Variants in SERPINA12 observed in about 807,000 individuals in gnomAD.
The protein encoded by SERPINA12 is serpin A12.
A neutral mutation model predicts 25.9 loss-of-function variants in SERPINA12; 21 were observed. That is an observed-to-expected ratio of 0.81 (90% confidence interval 0.58 to 1.17). The LOEUF (loss-of-function observed/expected upper bound fraction) is 1.17. SERPINA12 is among the 50% of genes most tolerant of loss of function. The pLI is 0.00. For synonymous variants in SERPINA12, 220 were observed against 196.0 expected (o/e 1.12, Z -1.02); for missense variants, 562 against 508.3 (o/e 1.11, Z -1.02).
chr14:94,488,472 A>G (rs1335512617), intron 4 of SERPINA12, among the ~76,000 whole-genome samples: 2 of 151,782 alleles, frequency 1.3e-5, no homozygotes, highest in African/African-American at 4.8e-5. Context: ...CCCCTCCTTC[A>G]ATGCCTTTTT....
At chr14:94,487,541 A>T in intron 4 of SERPINA12, 47 bp from the exon 5 acceptor site, 1 of 1,525,174 alleles carries the variant, frequency 6.6e-7, no homozygotes. Flanking sequence ...CTCCTTGGCG[A>T]CCACAGTGGG....
intron 1 of SERPINA12, among the ~76,000 whole-genome samples, chr14:94,516,349 A>G (rs941293038): frequency 1.3e-5 from 2 of 152,170 alleles, no homozygotes; most frequent in Non-Finnish European, 2.9e-5. Context: ...TCAAAGCTTA[A>G]AGGACAGACC....
intron 1 of SERPINA12, among the ~76,000 whole-genome samples, chr14:94,501,673 C>A (rs866418404): frequency 6.9e-5 from 9 of 130,008 alleles, no homozygotes; most frequent in South Asian, 3.1e-4. Context: ...CCCGCCCCCC[C>A]ACCCCCGCCC....
In SERPINA12 at chr14:94,496,484, TG is replaced by T; in HGVS notation, c.793del (p.Gln265ArgfsTer16). On this transcript the variant is annotated frameshift_variant, in exon 3 of 5. Transcript: ENST00000677451. LOFTEE classifies it high-confidence loss of function. Reference protein sequence around the residue: ...LSCTILEIPYQKNITAIFILP... With the variant: ...LSCTILEIPYXKNITAIFILP... ...GATGAAGATGGCTGTGATATTTTTCTGGTAGGGTATTTCCAGGATGGTGCAA... is the reference window on the plus strand; with the variant it reads ...GATGAAGATGGCTGTGATATTTTTCTGTAGGGTATTTCCAGGATGGTGCAA... 2 of 1,614,170 alleles carry T rather than the reference TG, an allele frequency of 1.2e-6. No homozygotes were observed. The highest frequency in any genetic ancestry group is 2.2e-5 in the South Asian group (2 of 91,080).
At chr14:94,506,013 C>A (rs1009218999) in intron 1 of SERPINA12, among the ~76,000 whole-genome samples, 3 of 152,288 alleles carry the variant, frequency 2.0e-5, no homozygotes, top group East Asian at 1.9e-4. Flanking sequence ...GCCCCCTTCA[C>A]GTGCCCATTA....
intron 4 of SERPINA12, among the ~76,000 whole-genome samples, chr14:94,489,118 A>G (rs888940582): frequency 6.6e-6 from 1 of 150,838 alleles, no homozygotes; most frequent in Non-Finnish European, 1.5e-5. Flanking sequence ...AAAGAAAGAA[A>G]GGAAGGAAGG....
upstream of SERPINA12, chr14:94,511,825 T>TG (rs1901119122): frequency 1.8e-5 from 12 of 669,818 alleles, no homozygotes; most frequent in Non-Finnish European, 2.2e-5. Flanking sequence ...GGACAGACAC[T>TG]GGGGGGTCAC....
chr14:94,501,683 C>G (rs1377411566), intron 1 of SERPINA12, among the ~76,000 whole-genome samples: 1 of 143,458 alleles, frequency 7.0e-6, no homozygotes, highest in Non-Finnish European at 1.5e-5. Context: ...CACCCCCGCC[C>G]CAAGGGACAC....
At chr14:94,504,921 T>C (rs1213367714) in intron 1 of SERPINA12, among the ~76,000 whole-genome samples, 1 of 152,214 alleles carries the variant, frequency 6.6e-6, no homozygotes, top group Non-Finnish European at 1.5e-5. Context: ...TAAAATAAAA[T>C]TCTTATCTTC....
rs1028564772 is a variant in SERPINA12 at position 94,497,827 on chromosome 14, T to G, written c.571A>C (p.Asn191His). The change falls in exon 2 of 5, where the codon AAC (asparagine) becomes CAC (histidine). Residue 191 changes from asparagine (N) to histidine (H), a missense_variant. Asn to His is a moderately conservative substitution (Grantham distance 68). Coordinates refer to ENST00000677451, the MANE Select transcript of SERPINA12 (RefSeq NM_001382267.1). ...ISQKTHGKINNLIENIDPGTV... is the reference protein window; with the variant it reads ...ISQKTHGKINHLIENIDPGTV... ...CCGGGGTCTATATTCTCGATCAGGT[T>G]GTTAATTTTCCCATGGGTTTTTTGA... is the stretch of plus-strand genomic sequence containing the variant. 6.2e-7 allele frequency: 1 copy of G among 1,613,968 alleles called. No individual in the cohort carries two copies. The highest frequency in any genetic ancestry group is 8.5e-7 in the Non-Finnish European group (1 of 1,180,014).
At chr14:94,498,574 A>G in intron 1 of SERPINA12, 144 bp from the exon 2 acceptor site, 1 of 651,820 alleles carries the variant, frequency 1.5e-6, no homozygotes, top group South Asian at 2.0e-5. Context: ...ATAGCATTTA[A>G]ACTTTATAAT....
At chr14:94,516,784 A>G (rs1901247572) in intron 1 of SERPINA12, among the ~76,000 whole-genome samples, 1 of 152,116 alleles carries the variant, frequency 6.6e-6, no homozygotes, top group Non-Finnish European at 1.5e-5. Flanking sequence ...CAAGGCTCAG[A>G]CCATCCAAAC....
chr14:94,495,678 G>A (rs970425084), intron 3 of SERPINA12, among the ~76,000 whole-genome samples: 1 of 152,140 alleles, frequency 6.6e-6, no homozygotes, highest in African/African-American at 2.4e-5. Context: ...AGTGGAAACT[G>A]CCCACTCTGC....
rs748950572 is a variant in SERPINA12 at position 94,496,398 on chromosome 14, T to C, written c.880A>G (p.Arg294Gly). 3.7e-6 allele frequency: 6 copies of C among 1,614,200 alleles called. No individual in the cohort carries two copies. In the South Asian group the frequency reaches 6.6e-5, roughly 18 times the overall value. Reference sequence around the variant, plus strand: ...CTGCGTGACAGTAATGTTTTCCATCTGGAGAAAGTGTCCACCTGCAATCCC... The same window carrying C: ...CTGCGTGACAGTAATGTTTTCCATCCGGAGAAAGTGTCCACCTGCAATCCC... ...EKGLQVDTFS[R>G]WKTLLSRRVV... The change falls in exon 3 of 5, where the codon AGA (arginine) becomes GGA (glycine). Residue 294 changes from arginine (R) to glycine (G), a missense_variant. Arg to Gly is a moderately radical substitution (Grantham distance 125, BLOSUM62 -2). Transcript: ENST00000677451.
chr14:94,502,287 A>T (rs962431862), intron 1 of SERPINA12, among the ~76,000 whole-genome samples: 2 of 152,092 alleles, frequency 1.3e-5, no homozygotes, highest in African/African-American at 2.4e-5. Context: ...CTGACCCGGA[A>T]GTCATTCATC....
chr14:94,513,263 G>A (rs904649175), upstream of SERPINA12, among the ~76,000 whole-genome samples: 1 of 152,178 alleles, frequency 6.6e-6, no homozygotes, highest in African/African-American at 2.4e-5. Flanking sequence ...CTCTTACAGA[G>A]AACTGCCTTT....
Position 94,489,728 on chromosome 14 carries a change from G to GGGTA in SERPINA12, c.944_945insTACC (p.Phe317HisfsTer18). 1 of 1,614,186 alleles carries GGGTA rather than the reference G, an allele frequency of 6.2e-7. No individual in the cohort carries two copies. Among genetic ancestry groups the GGGTA allele is most frequent in the Non-Finnish European group, 8.5e-7 (1 of 1,180,014 alleles). ...AGAGAGTCTTCTTCAGGTCGAAGGT[G>GGGTA]CCCGTCATGTGGAGTCTGGGTACAG... On this transcript the variant is annotated frameshift_variant, in exon 4 of 5. Transcript: ENST00000677451. LOFTEE classifies it high-confidence loss of function.
chr14:94,497,812 T>C lies in SERPINA12; in HGVS notation c.586A>G (p.Ile196Val). Residue 196 changes from isoleucine (I) to valine (V), a missense_variant, in exon 2 of 5, where the codon ATA becomes GTA. By Grantham distance (29) the Ile-to-Val change is conservative. Coordinates refer to ENST00000677451, the MANE Select transcript of SERPINA12 (RefSeq NM_001382267.1). ...HGKINNLIEN[I>V]DPGTVMLLAN... ...AGAAGCATCACAGTGCCGGGGTCTA[T>C]ATTCTCGATCAGGTTGTTAATTTTC... The C allele has an allele frequency of 1.2e-6, 2 of 1,613,930 alleles. No homozygotes were observed. Among genetic ancestry groups the C allele is most frequent in the Non-Finnish European group, 1.7e-6 (2 of 1,179,950 alleles).
intron 3 of SERPINA12, among the ~76,000 whole-genome samples, chr14:94,490,336 C>A (rs1028539083): frequency 1.3e-5 from 2 of 152,106 alleles, no homozygotes; most frequent in Non-Finnish European, 2.9e-5. Flanking sequence ...AGGTGCCCAT[C>A]CTCCTGCCCT....
Sources: gnomAD v4.1 joint callset for allele counts (sites outside exome capture counted in the v4.1 genomes callset) on GRCh38, gnomAD v4.1.1 for gene constraint, MANE v1.5 for transcripts, NCBI Gene and HGNC (gene_info 2026-07-23, HGNC 2026-07-21) for gene names.